The following NF1 variants were observed in gnomAD, a reference collection of about 807,000 sequenced individuals.
NF1 encodes the protein neurofibromin.
NF1 carries 122 observed loss-of-function variants against 325.7 expected under a neutral mutation model. The observed-to-expected ratio is 0.37, with a 90% confidence interval of 0.32 to 0.44. The LOEUF is 0.44. Ranked by LOEUF, NF1 falls within the 20% of genes least tolerant of loss-of-function variation. The pLI is 1.00. For synonymous variants in NF1, 1,091 were observed against 1,186.0 expected (o/e 0.92, Z 1.65); for missense variants, 2,140 against 3,415.4 (o/e 0.63, Z 9.31).
At chr17:31,318,107 T>G in intron 36 of NF1, 1 of 583,128 alleles carries the variant, frequency 1.7e-6, no homozygotes, top group Non-Finnish European at 2.8e-6. Context: ...TTTTAAAATA[T>G]TCAGTGTCAA....
Position 31,373,372 on chromosome 17 carries a change from G to A in NF1, c.8378-641G>A, listed in dbSNP as rs558893150. On this transcript the variant is annotated intron_variant, in intron 57 of 57. Transcript: ENST00000358273. ...CTGCTGGAAGTTTCTGGTATGATTT[G>A]GAGGAAGGAGCACTAGTCTTCCCTG... is the stretch of plus-strand genomic sequence containing the variant. Among the ~76,000 whole-genome samples, 4 of 152,282 alleles carry A rather than the reference G, an allele frequency of 2.6e-5. No individual in the cohort carries two copies. The East Asian group carries it at 7.7e-4, about 29-fold the overall frequency.
At chr17:31,133,083 T>C (rs974111057) in intron 1 of NF1, 1 of 152,248 alleles carries the variant, frequency 6.6e-6, no homozygotes, top group Non-Finnish European at 1.5e-5. Flanking sequence ...GTAACCAATC[T>C]ACAGAACTCC....
intron 36 of NF1, chr17:31,304,313 C>G (rs747146449): frequency 1.2e-6 from 2 of 1,613,580 alleles, no homozygotes; most frequent in East Asian, 2.2e-5. Context: ...AGATCTTGAT[C>G]AGAGTTGGGA....
At chr17:31,147,315 C>T (rs1916648222) in intron 1 of NF1, among the ~76,000 whole-genome samples, 1 of 152,196 alleles carries the variant, frequency 6.6e-6, no homozygotes, top group Admixed American at 6.5e-5. Flanking sequence ...TATGTAACAT[C>T]ATACAATATG....
Position 31,240,550 on chromosome 17 carries a change from G to A in NF1, c.3974+4529G>A, listed in dbSNP as rs189095530. On this transcript the variant is annotated intron_variant, in intron 29 of 57. Transcript: ENST00000358273. ...GTGCTGCAACAAACATGGGAGTGCC[G>A]ATATGTCTTCAATATACTGATTTCC... 4.9e-4 allele frequency among the ~76,000 whole-genome samples: 75 copies of A among 152,260 alleles called. 1 individual carries two copies. Among genetic ancestry groups the A allele is most frequent in the Non-Finnish European group, 7.9e-4 (54 of 68,024 alleles).
chr17:31,128,990 T>C (rs1234567019), intron 1 of NF1, among the ~76,000 whole-genome samples: 1 of 152,166 alleles, frequency 6.6e-6, no homozygotes, highest in Non-Finnish European at 1.5e-5. Flanking sequence ...TAGTTTCTAC[T>C]GAGAGGTCCA....
intron 1 of NF1, among the ~76,000 whole-genome samples, chr17:31,142,479 A>G (rs1916289051): frequency 1.3e-5 from 2 of 152,104 alleles, no homozygotes; most frequent in Admixed American, 6.6e-5. Context: ...AGGCATAATT[A>G]TTTTCTTATA....
intron 46 of NF1, among the ~76,000 whole-genome samples, chr17:31,339,086 A>G (rs1185663376): frequency 6.6e-6 from 1 of 152,174 alleles, no homozygotes; most frequent in Non-Finnish European, 1.5e-5. Flanking sequence ...ATAACTATTA[A>G]TTATCTGCTA....
intron 3 of NF1, among the ~76,000 whole-genome samples, chr17:31,161,185 G>A (rs1180246691): frequency 6.6e-6 from 1 of 152,182 alleles, no homozygotes; most frequent in Non-Finnish European, 1.5e-5. Context: ...GGAATCTTAA[G>A]TATTTTTGTT....
intron 30 of NF1, chr17:31,250,144 A>G (rs1567858883): frequency 2.8e-6 from 1 of 360,430 alleles, no homozygotes; most frequent in Non-Finnish European, 5.4e-6. Flanking sequence ...AGATGATAAA[A>G]CATACTTAAC....
Position 31,095,382 on chromosome 17 carries a change from TGGCG to T in NF1, c.60+20_60+23del. ...CTTCGACGAGCAGGTAACCGGCCCG[TGGCG>T]GGCGGGAGGTGGGAGCGGAGTGGGG... On this transcript the variant is annotated intron_variant, in intron 1 of 57. Transcript: ENST00000358273. The T allele has an allele frequency of 1.3e-6, 2 of 1,535,750 alleles. No homozygotes were observed. The highest frequency in any genetic ancestry group is 1.7e-6 in the Non-Finnish European group (2 of 1,145,154).
intron 1 of NF1, among the ~76,000 whole-genome samples, chr17:31,118,046 A>G (rs192675143): frequency 9.8e-5 from 15 of 152,378 alleles, no homozygotes; most frequent in African/African-American, 3.4e-4. Flanking sequence ...ACGCATATGA[A>G]AGTAATACAT....
intron 12 of NF1, among the ~76,000 whole-genome samples, chr17:31,212,411 A>G (rs1349291651): frequency 6.6e-6 from 1 of 152,266 alleles, no homozygotes; most frequent in Non-Finnish European, 1.5e-5. Flanking sequence ...ATAACAATAC[A>G]AAGTATACTA....
chr17:31,295,171 T>G, intron 36 of NF1: 3 of 1,614,168 alleles, frequency 1.9e-6, no homozygotes, highest in Non-Finnish European at 1.7e-6. Flanking sequence ...AGAAATTATT[T>G]GGCATGCCAC....
chr17:31,261,179 G>A (rs977519038), intron 34 of NF1, among the ~76,000 whole-genome samples: 2 of 151,718 alleles, frequency 1.3e-5, no homozygotes, highest in East Asian at 1.9e-4. Context: ...GGAGGCAGAG[G>A]TTGCAGTGAT....
At chr17:31,236,318 A>G (rs776694391) in intron 29 of NF1, among the ~76,000 whole-genome samples, 4 of 152,196 alleles carry the variant, frequency 2.6e-5, no homozygotes, top group Non-Finnish European at 5.9e-5. Context: ...ATGCATTTAC[A>G]TATTCATATG....
chr17:31,310,428 G>A (rs990669658), intron 36 of NF1, among the ~76,000 whole-genome samples: 4 of 151,146 alleles, frequency 2.6e-5, no homozygotes, highest in Non-Finnish European at 5.9e-5. Flanking sequence ...AAATGAAGTT[G>A]GGGGTGGGGG....
Position 31,258,360 on chromosome 17 carries a change from T to A in NF1, c.4190T>A (p.Phe1397Tyr), listed in dbSNP as rs768223279. The A allele has an allele frequency of 1.9e-6, 3 of 1,613,840 alleles. No individual in the cohort carries two copies. In the African/African-American group the frequency reaches 4.0e-5, roughly 22 times the overall value. ...ENKKSVVSQR[F>Y]PQNSIGAVGS... ...TGTTTTTAGGTGGTTAGCCAGCGTTTCCCTCAGAACAGCATCGGTGCAGTA... is the reference window on the plus strand; with the variant it reads ...TGTTTTTAGGTGGTTAGCCAGCGTTACCCTCAGAACAGCATCGGTGCAGTA... Residue 1397 changes from phenylalanine (F) to tyrosine (Y), a missense_variant, in exon 32 of 58, where the codon TTC (phenylalanine) becomes TAC (tyrosine). Physicochemically the swap from Phe to Tyr is conservative, Grantham distance 22 (BLOSUM62 3). Around this residue, in one of 10 missense-constraint regions of NF1, gnomAD observed 336 missense variants for 399.0 expected, o/e 0.84. Coordinates refer to ENST00000358273, the MANE Select transcript of NF1 (RefSeq NM_001042492.3).
intron 1 of NF1, among the ~76,000 whole-genome samples, chr17:31,148,448 C>A (rs1301187742): frequency 6.6e-6 from 1 of 150,554 alleles, no homozygotes; most frequent in African/African-American, 2.4e-5. Flanking sequence ...TAAAGGAGTC[C>A]AGATTCCTTT....
Sources: gnomAD v4.1 joint callset for allele counts (sites outside exome capture counted in the v4.1 genomes callset) on GRCh38, gnomAD v4.1.1 for gene constraint, gnomAD v4.1.1 regional missense constraint, MANE v1.5 for transcripts, NCBI Gene and HGNC (gene_info 2026-07-23, HGNC 2026-07-21) for gene names.